ZSCAN21: variants seen among roughly 807,000 people sequenced by gnomAD.
ZSCAN21 encodes zinc finger and SCAN domain-containing protein 21.
ZSCAN21 carries 26 observed loss-of-function variants against 35.6 expected under a neutral mutation model. That is an observed-to-expected ratio of 0.73 (90% CI 0.54 to 1.01). The LOEUF is 1.01. Ranked by LOEUF, ZSCAN21 falls within the 50% of genes least tolerant of loss-of-function variation. ZSCAN21 has a pLI of 0.00. For missense variants in ZSCAN21, 593 were observed against 587.1 expected, an observed-to-expected ratio of 1.01 and a Z score of -0.10; for synonymous variants, 219 against 219.3, an observed-to-expected ratio of 1.00 and a Z score of 0.01.
At chr7:100,058,150 T>C (rs1486915357) in intron 3 of ZSCAN21, among the ~76,000 whole-genome samples, 4 of 152,110 alleles carry the variant, frequency 2.6e-5, no homozygotes, top group Non-Finnish European at 5.9e-5. Context: ...AAAGGGTCAA[T>C]TGAAATGAGT....
intron 3 of ZSCAN21, 132 bp downstream of exon 3, chr7:100,058,022 A>G: frequency 1.2e-6 from 1 of 802,160 alleles, no homozygotes; most frequent in Non-Finnish European, 1.8e-6. Flanking sequence ...CTGGGTGGAA[A>G]TAGTCCCCTT....
chr7:100,052,235 C>CA (rs1791905974), intron 1 of ZSCAN21, among the ~76,000 whole-genome samples: 1 of 151,910 alleles, frequency 6.6e-6, no homozygotes, highest in Non-Finnish European at 1.5e-5. Context: ...CCAGCCTGGG[C>CA]AACAAAGCGA....
At position 100,057,071 on chromosome 7, in the gene ZSCAN21, G is replaced by A. The variant is rs1792098318; in HGVS notation, c.65G>A (p.Gly22Glu). The change falls in exon 2 of 4, where the codon GGG (glycine) becomes GAG (glutamate). Residue 22 changes from glycine (G) to glutamate (E), a missense_variant. Physicochemically the swap from Gly to Glu is moderately conservative, Grantham distance 98. Transcript: ENST00000292450. The stretch of plus-strand genomic sequence containing the variant: ...CCTAGGCCTCCACAGGAGCAGGTGG[G>A]GCCTCTGATGGTAAAAGTCGAGGAG... ...LGPRPPQEQV[G>E]PLMVKVEEKE... The A allele has an allele frequency of 1.2e-6, 2 of 1,614,052 alleles. No homozygotes were observed. The highest frequency in any genetic ancestry group is 1.1e-5 in the South Asian group (1 of 91,080).
At chr7:100,050,834 A>G (rs1487123160) in intron 1 of ZSCAN21, among the ~76,000 whole-genome samples, 1 of 152,112 alleles carries the variant, frequency 6.6e-6, no homozygotes, top group African/African-American at 2.4e-5. Flanking sequence ...TGCTATGGAG[A>G]AAGTGAGTAT....
chr7:100,051,732 A>G (rs1018896113), intron 1 of ZSCAN21: 3 of 152,026 alleles, frequency 2.0e-5, no homozygotes, highest in African/African-American at 7.2e-5. Context: ...GGGCGCTTTC[A>G]TAAGGGCATA....
chr7:100,062,848 T>A (rs1016380269), intron 3 of ZSCAN21, among the ~76,000 whole-genome samples: 2 of 152,186 alleles, frequency 1.3e-5, no homozygotes, highest in Non-Finnish European at 2.9e-5. Context: ...CACTCCAGCC[T>A]GGGCAACAGA....
chr7:100,064,374 T>TAA lies in ZSCAN21; in HGVS notation c.1179_1180insAA (p.Gly394LysfsTer93). ...AGAAGCCTTATCAGTGTAACGAATG[T>TAA]GGGAAGAGCTTCAGTCAGCATGCGG... On this transcript the variant is annotated frameshift_variant, in exon 4 of 4. Coordinates refer to ENST00000292450, the MANE Select transcript of ZSCAN21 (RefSeq NM_145914.3). LOFTEE classifies it high-confidence loss of function. 1.2e-6 allele frequency: 2 copies of TAA among 1,613,918 alleles called. No individual in the cohort carries two copies. The highest frequency in any genetic ancestry group is 1.7e-6 in the Non-Finnish European group (2 of 1,179,990).
rs577172392 is a variant in ZSCAN21, at chr7:100,053,988, G to A, written c.-96-2923G>A. Among the ~76,000 whole-genome samples, 4 of 152,118 alleles carry A rather than the reference G, an allele frequency of 2.6e-5. No individual in the cohort carries two copies. The East Asian group carries it at 7.7e-4, about 29-fold the overall frequency. ...CTCCAGAAGTGCTGGGATTACGGCC[G>A]TTAGCCACCACGCCCGGCCAGTCGT... is the stretch of plus-strand genomic sequence containing the variant. On this transcript the variant is annotated intron_variant, in intron 1 of 3. Coordinates refer to ENST00000292450, the MANE Select transcript of ZSCAN21 (RefSeq NM_145914.3).
chr7:100,058,746 G>A (rs764779387), intron 3 of ZSCAN21, among the ~76,000 whole-genome samples: 5 of 152,198 alleles, frequency 3.3e-5, no homozygotes, highest in Non-Finnish European at 5.9e-5. Context: ...GATTCCATCC[G>A]TCATCCAGGC....
At chr7:100,063,755 A>G (rs769223427) in intron 3 of ZSCAN21, 33 bp from the exon 4 acceptor site, 4 of 1,560,222 alleles carry the variant, frequency 2.6e-6, no homozygotes, top group Non-Finnish European at 3.5e-6. Context: ...ACAAGAAACA[A>G]CTGAAGTATC....
chr7:100,060,427 T>G (rs1322709974), intron 3 of ZSCAN21, among the ~76,000 whole-genome samples: 1 of 152,138 alleles, frequency 6.6e-6, no homozygotes, highest in African/African-American at 2.4e-5. Context: ...TTGGGCGTGG[T>G]GGCATGCACC....
At chr7:100,056,603 T>G (rs2116097395) in intron 1 of ZSCAN21, among the ~76,000 whole-genome samples, 1 of 152,226 alleles carries the variant, frequency 6.6e-6, no homozygotes, top group Middle Eastern at 3.4e-3. Flanking sequence ...TAGCTGGGAT[T>G]ACAGGCATCC....
chr7:100,063,664 T>G lies in ZSCAN21; in HGVS notation c.593-124T>G, dbSNP rs1440308866. The stretch of plus-strand genomic sequence containing the variant: ...ATTTACTTGTATCTATGCGCTATCA[T>G]GAGCTCTGTTTAGTCACCCTTCAGA... On this transcript the variant is annotated intron_variant, in intron 3 of 3. Transcript: ENST00000292450. 12 of 835,364 alleles carry G rather than the reference T, an allele frequency of 1.4e-5. No individual in the cohort carries two copies. In the Admixed American group the frequency reaches 3.4e-4, roughly 23 times the overall value. 51.7% of individuals were successfully genotyped at this position (835,364 alleles called of 1,614,324 possible).
At chr7:100,056,854 T>G in intron 1 of ZSCAN21, 57 bp from the exon 2 acceptor site, 67 of 782,790 alleles carry the variant, frequency 8.6e-5, no homozygotes, top group African/African-American at 3.4e-5. Context: ...GGTATGGCTG[T>G]AAAGACCCAA....
chr7:100,053,740 G>A (rs1267853695), intron 1 of ZSCAN21, among the ~76,000 whole-genome samples: 2 of 151,726 alleles, frequency 1.3e-5, no homozygotes, highest in East Asian at 1.9e-4. Flanking sequence ...AGTGGAGACT[G>A]TAACTTGTAA....
In ZSCAN21 at chr7:100,063,294, T is replaced by C. The variant is rs540911844; in HGVS notation, c.593-494T>C. On this transcript the variant is annotated intron_variant, in intron 3 of 3. Transcript: ENST00000292450. The stretch of plus-strand genomic sequence containing the variant: ...CATCTTAATAGCTTCGGGTGGGGAA[T>C]TGTGTGAAAGTGTGGTATGGAGGCC... 1.1e-4 allele frequency among the ~76,000 whole-genome samples: 17 copies of C among 152,256 alleles called. No individual in the cohort carries two copies. In the East Asian group the frequency reaches 2.3e-3, roughly 21 times the overall value.
At chr7:100,059,587 T>A (rs1792206464) in intron 3 of ZSCAN21, among the ~76,000 whole-genome samples, 1 of 138,738 alleles carries the variant, frequency 7.2e-6, no homozygotes, top group Non-Finnish European at 1.5e-5. Context: ...GGAGTCTCCC[T>A]CTGTTGCTAG....
At position 100,054,929 on chromosome 7, in the gene ZSCAN21, G is replaced by T. The variant is rs185834335; in HGVS notation, c.-96-1982G>T. Among the ~76,000 whole-genome samples, 29 of 141,356 alleles carry T rather than the reference G, an allele frequency of 2.1e-4. No homozygotes were observed. The East Asian group carries it at 5.4e-3, about 26-fold the overall frequency. 92.7% of individuals were successfully genotyped at this position (141,356 alleles called of 152,430 possible). A position where few individuals can be genotyped will look rare whatever the true frequency, so the allele number is the denominator to read the frequency against. On this transcript the variant is annotated intron_variant, in intron 1 of 3. Coordinates refer to ENST00000292450, the MANE Select transcript of ZSCAN21 (RefSeq NM_145914.3). ...GAATGTTAGCACTAAAGTCCATTTT[G>T]TTTGTCAGAAAACTACTTATGATCT...
chr7:100,056,256 T>C (rs1444064489), intron 1 of ZSCAN21, among the ~76,000 whole-genome samples: 1 of 152,110 alleles, frequency 6.6e-6, no homozygotes, highest in African/African-American at 2.4e-5. Context: ...TAGTGAATTT[T>C]CATTGCTCAA....
Sources: allele counts gnomAD v4.1 joint callset (sites outside exome capture counted in the v4.1 genomes callset), GRCh38; gene constraint gnomAD v4.1.1; transcripts MANE v1.5; gene names NCBI Gene and HGNC (gene_info 2026-07-23, HGNC 2026-07-21).